Variants in TTN observed in about 807,000 individuals in gnomAD.
The protein encoded by TTN is connectin.
TTN carries 1,525 observed loss-of-function variants against 3,223.0 expected under a neutral mutation model. The observed-to-expected ratio is 0.47, with a 90% CI of 0.45 to 0.49. TTN has a LOEUF of 0.49. TTN is among the 20% of genes least tolerant of loss of function. The pLI, the probability that TTN is intolerant of heterozygous loss-of-function variation, is 0.00. For missense variants in TTN, 40,786 were observed against 43,424.0 expected (o/e 0.94, Z 5.40); for synonymous variants, 14,094 against 15,161.0 (o/e 0.93, Z 5.17).
rs56130023 is a variant in TTN at position 178,583,723 on chromosome 2, G to A, written c.65459C>T (p.Thr21820Ile). Residue 21820 changes from threonine (T) to isoleucine (I), a missense_variant, in exon 312 of 363, where the codon ACA becomes ATA. Thr to Ile is a moderately conservative substitution (Grantham distance 89, BLOSUM62 -1). Transcript: ENST00000589042. ...APHQIPQEEY[T>I]ATGLEEKAQY... ...AGCTTTCTCTTCTAGGCCAGTAGCTGTGTACTCTTCCTGGGGAATCTGGTG... is the reference window on the plus strand; with the variant it reads ...AGCTTTCTCTTCTAGGCCAGTAGCTATGTACTCTTCCTGGGGAATCTGGTG... 6.0e-4 allele frequency: 967 copies of A among 1,612,364 alleles called. 5 individuals are homozygous for A. The highest frequency in any genetic ancestry group is 3.6e-3 in the Middle Eastern group (22 of 6,048).
intron 146 of TTN, 56 bp from the exon 147 acceptor site, chr2:178,677,343 T>TAC: frequency 2.2e-6 from 1 of 455,392 alleles, no homozygotes; most frequent in Non-Finnish European, 3.0e-6. Flanking sequence ...GTCATATATA[T>TAC]ATATATATAT....
chr2:178,578,006 C>A lies in TTN; in HGVS notation c.68509G>T (p.Val22837Leu). 3 of 1,613,026 alleles carry A rather than the reference C, an allele frequency of 1.9e-6. No individual in the cohort carries two copies. Among genetic ancestry groups the A allele is most frequent in the Non-Finnish European group, 2.5e-6 (3 of 1,179,400 alleles). Residue 22837 changes from valine (V) to leucine (L), a missense_variant, in exon 322 of 363, where the codon GTG (valine) becomes TTG (leucine). Transcript: ENST00000589042. ...GACTTACCAATTGGGTCCAGTGCCACAACAGGCTCTGATGGTAGGCTTGGC... is the reference window on the plus strand; with the variant it reads ...GACTTACCAATTGGGTCCAGTGCCAAAACAGGCTCTGATGGTAGGCTTGGC... ...GKPSLPSEPV[V>L]ALDPIDPPGK... is the part of the protein sequence containing the mutation.
rs1491550913 is a variant in TTN at position 178,743,557 on chromosome 2, AAG to A, written c.11312-1638_11312-1637del. Among the ~76,000 whole-genome samples, 5 of 152,074 alleles carry A rather than the reference AAG, an allele frequency of 3.3e-5. No individual in the cohort carries two copies. In the East Asian group the frequency reaches 7.7e-4, roughly 24 times the overall value. ...ACAAAGCCCTCTTTACTATATGAAT[AAG>A]AGTGTTTTTCAGCTCTTCCTGAAAT... On this transcript the variant is annotated intron_variant, in intron 47 of 362. Coordinates refer to ENST00000589042, the MANE Select transcript of TTN (RefSeq NM_001267550.2).
intron 156 of TTN, 33 bp downstream of exon 156, chr2:178,671,057 A>C (rs1215287360): frequency 6.5e-7 from 1 of 1,542,454 alleles, no homozygotes. Context: ...ATTGTATGTA[A>C]AGTTAAGTAG....
At position 178,557,983 on chromosome 2, in the gene TTN, C is replaced by T; in HGVS notation, c.87371G>A (p.Gly29124Asp). 6.2e-7 allele frequency: 1 copy of T among 1,613,622 alleles called. No individual in the cohort carries two copies. The highest frequency in any genetic ancestry group is 8.5e-7 in the Non-Finnish European group (1 of 1,179,856). ...RYEITAANSS[G>D]TTKAFINIVV... is the part of the protein sequence containing the mutation. The stretch of plus-strand genomic sequence containing the variant: ...AATGTTAATGAAAGCTTTGGTTGTA[C>T]CACTGGAGTTGGCAGCAGTGATTTC... The change falls in exon 328 of 363, where the codon GGT becomes GAT. Residue 29124 changes from glycine to aspartate, a missense_variant. Coordinates refer to ENST00000589042, the MANE Select transcript of TTN (RefSeq NM_001267550.2).
At position 178,790,002 on chromosome 2, in the gene TTN, TTC is replaced by T. The variant is rs1561426399; in HGVS notation, c.1912_1913del (p.Glu638ThrfsTer27). The T allele has an allele frequency of 6.2e-7, 1 of 1,613,120 alleles. No individual in the cohort carries two copies. Among genetic ancestry groups the T allele is most frequent in the Non-Finnish European group, 8.5e-7 (1 of 1,179,358 alleles). ...CCTTCTCCTGAGTTATTTGCACTTGTTCTCTTTTGGTAGTAATGCCTTCTCTA... is the reference window on the plus strand; with the variant it reads ...CCTTCTCCTGAGTTATTTGCACTTGTTCTTTTGGTAGTAATGCCTTCTCTA... ...RGREGITTKR[E>X]QVQITQEKMR... is the part of the protein sequence containing the mutation. On this transcript the variant is annotated frameshift_variant, in exon 12 of 363. Transcript: ENST00000589042. LOFTEE classifies it high-confidence loss of function.
At chr2:178,760,057 T>C (rs1465486180) in intron 43 of TTN, among the ~76,000 whole-genome samples, 2 of 152,338 alleles carry the variant, frequency 1.3e-5, no homozygotes, top group African/African-American at 2.4e-5. Flanking sequence ...CTTCTTGGTC[T>C]CAAAACCATC....
In TTN at chr2:178,657,515, T is replaced by A; in HGVS notation, c.38021A>T (p.Glu12674Val). The A allele has an allele frequency of 6.3e-7, 1 of 1,579,714 alleles. No homozygotes were observed. The highest frequency in any genetic ancestry group is 8.6e-7 in the Non-Finnish European group (1 of 1,167,084). Residue 12674 changes from glutamate to valine, a missense_variant, in exon 189 of 363, where the codon GAA becomes GTA. Glu to Val is a moderately radical substitution (Grantham distance 121, BLOSUM62 -2). Coordinates refer to ENST00000589042, the MANE Select transcript of TTN (RefSeq NM_001267550.2). Reference sequence around the variant, plus strand: ...ACAAATACCTTTAACAGGTGGGACTTCAGGCTTTTTAGGAGGAGTCGAGGG... The same window carrying A: ...ACAAATACCTTTAACAGGTGGGACTACAGGCTTTTTAGGAGGAGTCGAGGG... ...KVPSTPPKKP[E>V]VPPVKVPEAP... is the part of the protein sequence containing the mutation.
chr2:178,742,011 T>G (rs1574103564), intron 47 of TTN, 90 bp from the exon 48 acceptor site: 4 of 951,908 alleles, frequency 4.2e-6, no homozygotes, highest in East Asian at 3.1e-5. Context: ...GTTGATGGCC[T>G]TCTTCTGCTT....
Position 178,640,570 on chromosome 2 carries a change from CT to C in TTN, c.40693del (p.Arg13565GlyfsTer33). 3 of 1,600,502 alleles carry C rather than the reference CT, an allele frequency of 1.9e-6. No homozygotes were observed. The highest frequency in any genetic ancestry group is 1.1e-5 in the South Asian group (1 of 89,034). ...EEVEVPTVTK[R>X]ERKIPEPTKV... The stretch of plus-strand genomic sequence containing the variant: ...TGTTGGTTCAGGAATCTTCCTTTCC[CT>C]TTTTGTAACAGTAGGTACTTCAACC... On this transcript the variant is annotated frameshift_variant, in exon 221 of 363. Coordinates refer to ENST00000589042, the MANE Select transcript of TTN (RefSeq NM_001267550.2). LOFTEE classifies it high-confidence loss of function.
intron 163 of TTN, 53 bp downstream of exon 163, chr2:178,666,771 T>C: frequency 6.9e-7 from 1 of 1,441,168 alleles, no homozygotes; most frequent in Non-Finnish European, 9.3e-7. Flanking sequence ...TTACATGTGT[T>C]AAGTACAACT....
rs532069408 is a variant in TTN at position 178,652,676 on chromosome 2, T to G, written c.39020A>C (p.Lys13007Thr). 61 of 1,613,478 alleles carry G rather than the reference T, an allele frequency of 3.8e-5. No individual in the cohort carries two copies. The South Asian group carries it at 5.2e-4, about 14-fold the overall frequency. ...ACCTTTAACAGGTGGGACTTCAGGC[T>G]TTTTAGGAGGAGCCGAGGGCACTTT... is the stretch of plus-strand genomic sequence containing the variant. ...EKKVPSAPPKKPEVPPVKVPE... is the reference protein window; with the variant it reads ...EKKVPSAPPKTPEVPPVKVPE... Residue 13007 changes from lysine (K) to threonine (T), a missense_variant, in exon 201 of 363, where the codon AAG becomes ACG. By Grantham distance (78) the Lys-to-Thr change is moderately conservative. Transcript: ENST00000589042.
chr2:178,613,113 G>A, intron 264 of TTN, 41 bp from the exon 265 acceptor site: 2 of 1,610,332 alleles, frequency 1.2e-6, no homozygotes, highest in Non-Finnish European at 1.7e-6. Context: ...TGTCAAAAAG[G>A]AGTTCATATG....
rs55837610 is a variant in TTN, at chr2:178,574,427, A to G, written c.71705T>C (p.Ile23902Thr). 2.9e-3 allele frequency: 4,665 copies of G among 1,613,544 alleles called. 18 individuals carry two copies. Among genetic ancestry groups the G allele is most frequent in the Non-Finnish European group, 3.5e-3 (4,151 of 1,179,620 alleles). Residue 23902 changes from isoleucine to threonine, a missense_variant, in exon 326 of 363, where the codon ATT becomes ACT. Ile to Thr is a moderately conservative substitution (Grantham distance 89, BLOSUM62 -1). Coordinates refer to ENST00000589042, the MANE Select transcript of TTN (RefSeq NM_001267550.2). ...ACTTTTGCCTGCCATGTTTTCTGCA[A>G]TCACCCGGAACTCATAAGCAATACC... ...TDGIAYEFRVIAENMAGKSKP... is the reference protein window; with the variant it reads ...TDGIAYEFRVTAENMAGKSKP...
In TTN at chr2:178,581,669, G is replaced by A. The variant is rs749655019; in HGVS notation, c.66599C>T (p.Ser22200Phe). The change falls in exon 316 of 363, where the codon TCC becomes TTC. Residue 22200 changes from serine to phenylalanine, a missense_variant. Coordinates refer to ENST00000589042, the MANE Select transcript of TTN (RefSeq NM_001267550.2). The stretch of plus-strand genomic sequence containing the variant: ...TAAGTTGCACCTCACCCAGTTATCG[G>A]AGTCAGCCCGTTTTACTTCAACGAG... Reference protein sequence around the residue: ...GYLVEVKRADSDNWVRCNLPQ... With the variant: ...GYLVEVKRADFDNWVRCNLPQ... The A allele has an allele frequency of 6.2e-6, 10 of 1,612,642 alleles. No individual in the cohort carries two copies. The South Asian group carries it at 7.7e-5, about 12-fold the overall frequency.
intron 13 of TTN, among the ~76,000 whole-genome samples, chr2:178,786,993 CT>C (rs1331463609): frequency 6.6e-6 from 1 of 152,102 alleles, no homozygotes; most frequent in Admixed American, 6.5e-5. Context: ...GCTGATGTGG[CT>C]TAGATATTAT....
Position 178,534,900 on chromosome 2 carries a change from GTTAA to G in TTN, c.101711_101714del (p.Ile33904ThrfsTer13). 1 of 1,609,614 alleles carries G rather than the reference GTTAA, an allele frequency of 6.2e-7. No individual in the cohort carries two copies. Among genetic ancestry groups the G allele is most frequent in the African/African-American group, 1.3e-5 (1 of 75,050 alleles). ...TTTCATTAAGTTCAAAAGCACTTGT[GTTAA>G]TGCGCTCAAATATGTCAAGTCCTGA... is the stretch of plus-strand genomic sequence containing the variant. On this transcript the variant is annotated frameshift_variant, in exon 358 of 363. Transcript: ENST00000589042. LOFTEE classifies it high-confidence loss of function.
Position 178,674,365 on chromosome 2 carries a change from G to T in TTN, c.34657C>A (p.Pro11553Thr). Residue 11553 changes from proline to threonine, a missense_variant, in exon 151 of 363, where the codon CCA becomes ACA. By Grantham distance (38) the Pro-to-Thr change is conservative. Transcript: ENST00000589042. ...TCCTCTATGCTAGGTGGTTCTTCTG[G>T]GATTTCTTCTTCTGAAATAGGCTCT... ...EEEPISEEEIPEEPPSIEEVE... is the reference protein window; with the variant it reads ...EEEPISEEEITEEPPSIEEVE... The T allele has an allele frequency of 6.3e-7, 1 of 1,592,994 alleles. No individual in the cohort carries two copies. Among genetic ancestry groups the T allele is most frequent in the Non-Finnish European group, 8.6e-7 (1 of 1,168,144 alleles).
At chr2:178,680,986 G>T in intron 138 of TTN, 93 bp downstream of exon 138, 4 of 1,120,096 alleles carry the variant, frequency 3.6e-6, no homozygotes, top group Non-Finnish European at 5.1e-6. Context: ...TAATTTAAAA[G>T]ACATGAAACA....
Sources: allele counts gnomAD v4.1 joint callset (sites outside exome capture counted in the v4.1 genomes callset), GRCh38; gene constraint gnomAD v4.1.1; transcripts MANE v1.5; gene names NCBI Gene and HGNC (gene_info 2026-07-23, HGNC 2026-07-21).